The following PALS2 variants were observed in gnomAD, a reference collection of about 807,000 sequenced individuals.
The protein encoded by PALS2 is protein associated with LIN7 2, MAGUK p55 family member, also known as protein PALS2.
A neutral mutation model predicts 61.6 loss-of-function variants in PALS2; 27 were observed. The ratio of observed to expected loss-of-function variants is 0.44; its 90% confidence interval spans 0.32 to 0.60. The LOEUF (loss-of-function observed/expected upper bound fraction) is 0.60, where lower values mean the gene tolerates loss of function less well. Ranked by LOEUF, PALS2 falls within the 20% of genes least tolerant of loss-of-function variation. The probability of loss-of-function intolerance (pLI) is 0.05; values close to 1 mark genes in which losing one functional copy is unlikely to be tolerated. For missense variants in PALS2, 554 were observed against 639.4 expected (o/e 0.87, Z 1.44); for synonymous variants, 236 against 218.6 (o/e 1.08, Z -0.70).
intron 4 of PALS2, 111 bp downstream of exon 4, chr7:24,649,875 ATTC>A: frequency 9.3e-7 from 1 of 1,071,614 alleles, no homozygotes; most frequent in Non-Finnish European, 1.3e-6. Context: ...TGAAAACTGT[ATTC>A]TTGTTTGGCC....
At chr7:24,626,074 C>T (rs539281832) in intron 2 of PALS2, among the ~76,000 whole-genome samples, 3 of 151,930 alleles carry the variant, frequency 2.0e-5, no homozygotes, top group African/African-American at 7.2e-5. Flanking sequence ...AGCATTTATA[C>T]ACAAGGATTT....
intron 1 of PALS2, among the ~76,000 whole-genome samples, chr7:24,613,580 A>G (rs1784188147): frequency 6.6e-6 from 1 of 151,770 alleles, no homozygotes; most frequent in Admixed American, 6.6e-5. Context: ...AACATTTTTC[A>G]TTTATTTGTG....
intron 1 of PALS2, among the ~76,000 whole-genome samples, chr7:24,620,450 T>A (rs1267167165): frequency 1.3e-5 from 2 of 152,214 alleles, no homozygotes; most frequent in South Asian, 4.1e-4. Context: ...GGACAAGGGA[T>A]GTTGTCAAGT....
At chr7:24,666,150 C>A in intron 8 of PALS2, 61 bp downstream of exon 8, 1 of 1,432,662 alleles carries the variant, frequency 7.0e-7, no homozygotes, top group Non-Finnish European at 9.7e-7. Flanking sequence ...TTTAGTGTGG[C>A]ATAAACTCTG....
intron 7 of PALS2, 24 bp downstream of exon 7, chr7:24,665,711 A>G: frequency 1.9e-6 from 3 of 1,590,648 alleles, no homozygotes; most frequent in South Asian, 2.2e-5. Context: ...CACAATAAGT[A>G]ACAAGCAGTC....
At position 24,665,581 on chromosome 7, in the gene PALS2, A is replaced by AT. The variant is rs1314168939; in HGVS notation, c.784-5dup. The AT allele has an allele frequency of 6.2e-7, 1 of 1,613,102 alleles. No homozygotes were observed. The highest frequency in any genetic ancestry group is 8.5e-7 in the Non-Finnish European group (1 of 1,179,236). On this transcript the variant is annotated splice_region_variant and splice_polypyrimidine_tract_variant and intron_variant, in intron 6 of 11. Coordinates refer to ENST00000222644, the MANE Select transcript of PALS2 (RefSeq NM_001303037.2). Reference sequence around the variant, plus strand: ...CTGAGATGTACAATTCATTAATTTGATTCTAGGCTAGCCATGTAAAAGAGG... The same window carrying AT: ...CTGAGATGTACAATTCATTAATTTGATTTCTAGGCTAGCCATGTAAAAGAGG...
rs149721058 is a variant in PALS2 at position 24,603,284 on chromosome 7, G to A, written c.-2-20382G>A. Among the ~76,000 whole-genome samples the A allele has an allele frequency of 3.5e-4, 53 of 152,324 alleles. 1 individual carries two copies. The East Asian group carries it at 9.5e-3, about 27-fold the overall frequency. On this transcript the variant is annotated intron_variant, in intron 1 of 11. Transcript: ENST00000222644. ...CCAGCAGCTTTGCTGCCCAAAAGTT[G>A]TGGAGTGACTTGATTCAGGCTAGGG...
chr7:24,608,429 C>T (rs1309236597), intron 1 of PALS2, among the ~76,000 whole-genome samples: 1 of 152,064 alleles, frequency 6.6e-6, no homozygotes, highest in Non-Finnish European at 1.5e-5. Flanking sequence ...TCCTCTCACA[C>T]TTATTCTATT....
chr7:24,599,311 G>A (rs1783632889), intron 1 of PALS2, among the ~76,000 whole-genome samples: 1 of 151,834 alleles, frequency 6.6e-6, no homozygotes, highest in Non-Finnish European at 1.5e-5. Flanking sequence ...GAAGGCCTAG[G>A]ACATTATTGT....
chr7:24,623,859 A>G (rs745714857), intron 2 of PALS2, 75 bp downstream of exon 2: 11 of 1,187,370 alleles, frequency 9.3e-6, no homozygotes, highest in African/African-American at 3.1e-5. Flanking sequence ...AGATATTACT[A>G]TTTTAGAATT....
intron 1 of PALS2, among the ~76,000 whole-genome samples, chr7:24,585,465 A>G (rs1783026803): frequency 6.6e-6 from 1 of 152,046 alleles, no homozygotes; most frequent in Non-Finnish European, 1.5e-5. Flanking sequence ...TGTCCTAGAG[A>G]TAGCATAACT....
At chr7:24,630,777 T>C (rs1784965415) in intron 2 of PALS2, among the ~76,000 whole-genome samples, 1 of 152,242 alleles carries the variant, frequency 6.6e-6, no homozygotes, top group African/African-American at 2.4e-5. Context: ...AATTCTACTC[T>C]GCCTGTGCCC....
rs886794 is a variant in PALS2, at chr7:24,670,002, C to T, written c.1114+1342C>T. On this transcript the variant is annotated intron_variant, in intron 9 of 11. Transcript: ENST00000222644. ...GGAAAAAAATAACCCCTTCTCTTCC[C>T]CTGCCTCACTTATGAAAAACAGTCA... 9.7e-3 allele frequency among the ~76,000 whole-genome samples: 1,484 copies of T among 152,238 alleles called. 44 individuals carry two copies. Among genetic ancestry groups the T allele is most frequent in the Admixed American group, 0.063 (969 of 15,284 alleles).
chr7:24,651,852 T>C (rs893206011), intron 5 of PALS2, among the ~76,000 whole-genome samples: 7 of 152,242 alleles, frequency 4.6e-5, no homozygotes, highest in Non-Finnish European at 8.8e-5. Flanking sequence ...CATACAGTTA[T>C]TTGAAATAAC....
chr7:24,652,236 A>G (rs183105779), intron 5 of PALS2, among the ~76,000 whole-genome samples: 2 of 152,288 alleles, frequency 1.3e-5, no homozygotes, highest in East Asian at 1.9e-4. Context: ...TCTGTGGTCT[A>G]AACTCCAGAA....
At chr7:24,575,454 C>G (rs1254889141) in intron 1 of PALS2, among the ~76,000 whole-genome samples, 6 of 152,054 alleles carry the variant, frequency 3.9e-5, no homozygotes, top group Admixed American at 2.6e-4. Flanking sequence ...GAAATTGTTC[C>G]AGAGCACTAC....
intron 1 of PALS2, among the ~76,000 whole-genome samples, chr7:24,619,444 G>A (rs559935763): frequency 4.6e-5 from 7 of 152,170 alleles, no homozygotes; most frequent in Admixed American, 1.3e-4. Context: ...ATGGCTGGGC[G>A]CGGTAGCTCA....
rs1244205738 is a variant in PALS2 at position 24,618,906 on chromosome 7, A to G, written c.-2-4760A>G. On this transcript the variant is annotated intron_variant, in intron 1 of 11. Transcript: ENST00000222644. The surrounding 1 kb of genome is among the most constrained non-coding windows in gnomAD (Gnocchi z 5.1). Reference sequence around the variant, plus strand: ...CGTGGTCCTTTCTTGAAGCGGAGGAATGTGCACCAGACACTTACCGTCAGC... The same window carrying G: ...CGTGGTCCTTTCTTGAAGCGGAGGAGTGTGCACCAGACACTTACCGTCAGC... 1.3e-5 allele frequency among the ~76,000 whole-genome samples: 2 copies of G among 152,190 alleles called. No homozygotes were observed. The highest frequency in any genetic ancestry group is 2.9e-5 in the Non-Finnish European group (2 of 68,032).
intron 9 of PALS2, among the ~76,000 whole-genome samples, chr7:24,677,285 G>T (rs997460150): frequency 7.2e-5 from 11 of 152,070 alleles, no homozygotes; most frequent in African/African-American, 2.4e-4. Flanking sequence ...AGACAATGGG[G>T]TTTTCTAGAT....
Sources: gnomAD v4.1 joint callset for allele counts (sites outside exome capture counted in the v4.1 genomes callset) on GRCh38, gnomAD v4.1.1 for gene constraint, Gnocchi (gnomAD v3.1) non-coding constraint, MANE v1.5 for transcripts, NCBI Gene and HGNC (gene_info 2026-07-23, HGNC 2026-07-21) for gene names.